The following KCNH5 variants were observed in gnomAD, a reference collection of about 807,000 sequenced individuals.
KCNH5 encodes the protein voltage-gated delayed rectifier potassium channel KCNH5.
Under a neutral mutation model 96.1 loss-of-function variants are expected in KCNH5, and 46 were observed. That is an observed-to-expected ratio of 0.48 (90% CI 0.38 to 0.61). The LOEUF (loss-of-function observed/expected upper bound fraction) is 0.61. Among genes scored for constraint, KCNH5 ranks in the 20% least tolerant of loss-of-function variants. The pLI, the probability that KCNH5 is intolerant of heterozygous loss-of-function variation, is 0.00. For synonymous variants in KCNH5, 439 were observed against 449.8 expected (o/e 0.98, Z 0.30); for missense variants, 907 against 1,225.8 (o/e 0.74, Z 3.88).
intron 10 of KCNH5, among the ~76,000 whole-genome samples, chr14:62,732,851 CTCTTGATACGG>C (rs1025010567): frequency 2.0e-5 from 3 of 152,098 alleles, no homozygotes; most frequent in Admixed American, 6.6e-5. Flanking sequence ...TCAGGCAACC[CTCTTGATACGG>C]TCTTGATACA....
chr14:62,889,535 T>C (rs10136789), intron 7 of KCNH5, among the ~76,000 whole-genome samples: 21,895 of 152,220 alleles, frequency 0.14, 1,931 homozygotes, highest in African/African-American at 0.25. Context: ...GAGCAGCCGA[T>C]GAGCACATTA....
intron 7 of KCNH5, among the ~76,000 whole-genome samples, chr14:62,895,505 T>G (rs1381230664): frequency 6.6e-6 from 1 of 152,084 alleles, no homozygotes; most frequent in Non-Finnish European, 1.5e-5. Context: ...TAATTTTGTA[T>G]TTTCTTTAGT....
intron 6 of KCNH5, among the ~76,000 whole-genome samples, chr14:62,970,073 T>TAAAAAAAAAAAAAAAAAAAAAAAA (rs1284748914): frequency 8.9e-6 from 1 of 112,150 alleles, no homozygotes. Flanking sequence ...AAAAAAAAAT[T>TAAAAAAAAAAAAAAAAAAAAAAAA]AAATCAATAA....
intron 7 of KCNH5, among the ~76,000 whole-genome samples, chr14:62,866,526 T>C (rs1228112214): frequency 1.3e-5 from 2 of 152,156 alleles, no homozygotes; most frequent in African/African-American, 4.8e-5. Context: ...GGGCACATCA[T>C]TGTGGCAGAA....
chr14:62,708,016 G>A lies in KCNH5; in HGVS notation c.2459C>T (p.Ala820Val). The change falls in exon 11 of 11, where the codon GCC (alanine) becomes GTC (valine). Residue 820 changes from alanine to valine, a missense_variant. Around this residue, in one of 6 missense-constraint regions of KCNH5, gnomAD observed 362 missense variants for 394.4 expected, o/e 0.92. Coordinates refer to ENST00000322893, the MANE Select transcript of KCNH5 (RefSeq NM_139318.5). ...CCAGTCTTCCTTTTTCTCCTCATGG[G>A]CTCCCATATTATTCTTGAGTCGCAG... ...GWLRLKNNMG[A>V]HEEKKEDWNN... The A allele has an allele frequency of 1.2e-6, 2 of 1,614,096 alleles. No homozygotes were observed. Among genetic ancestry groups the A allele is most frequent in the Non-Finnish European group, 1.7e-6 (2 of 1,180,030 alleles).
intron 8 of KCNH5, among the ~76,000 whole-genome samples, chr14:62,841,451 A>ACATG (rs1454135491): frequency 1.3e-5 from 2 of 152,166 alleles, no homozygotes; most frequent in Admixed American, 1.3e-4. Context: ...ATACTATAAC[A>ACATG]CTGTCTGCAG....
intron 5 of KCNH5, among the ~76,000 whole-genome samples, chr14:62,982,859 C>T (rs73278525): frequency 0.02 from 2,978 of 152,070 alleles, 109 homozygotes; most frequent in African/African-American, 0.069. Context: ...ATTATCAGTA[C>T]CTCAGTTATG....
At chr14:62,832,515 G>A (rs963053708) in intron 8 of KCNH5, among the ~76,000 whole-genome samples, 2 of 151,966 alleles carry the variant, frequency 1.3e-5, no homozygotes, top group African/African-American at 4.8e-5. Context: ...TCCATTCATG[G>A]GCATTTAAGT....
intron 4 of KCNH5, among the ~76,000 whole-genome samples, chr14:62,997,318 GA>G (rs113645537): frequency 0.089 from 13,521 of 151,932 alleles, 1,039 homozygotes; most frequent in African/African-American, 0.21. Context: ...ATGGGTATAA[GA>G]AAAAAATAGT....
At chr14:62,976,442 G>A (rs1241578834) in intron 6 of KCNH5, among the ~76,000 whole-genome samples, 2 of 151,048 alleles carry the variant, frequency 1.3e-5, no homozygotes, top group Non-Finnish European at 2.9e-5. Context: ...TGGTCTCATA[G>A]GTACAGTATC....
intron 8 of KCNH5, among the ~76,000 whole-genome samples, chr14:62,809,958 G>C (rs1886840508): frequency 6.6e-6 from 1 of 151,860 alleles, no homozygotes; most frequent in Non-Finnish European, 1.5e-5. Context: ...CTAATTCTGG[G>C]CATATTACAA....
chr14:62,970,106 CAAGAG>C (rs1177476970), intron 6 of KCNH5, among the ~76,000 whole-genome samples: 1 of 110,832 alleles, frequency 9.0e-6, no homozygotes, highest in Non-Finnish European at 1.9e-5. Flanking sequence ...GCTAACGAAA[CAAGAG>C]AGAGAGAAGA....
chr14:62,882,180 C>A (rs944492590), intron 7 of KCNH5, among the ~76,000 whole-genome samples: 3 of 146,736 alleles, frequency 2.0e-5, no homozygotes, highest in African/African-American at 7.6e-5. Flanking sequence ...GAAGCTGAGG[C>A]TTGGGCCCAC....
At chr14:63,032,182 C>T (rs1040960546) in intron 1 of KCNH5, among the ~76,000 whole-genome samples, 1 of 151,946 alleles carries the variant, frequency 6.6e-6, no homozygotes, top group African/African-American at 2.4e-5. Flanking sequence ...GCTGCGTTTT[C>T]CCTCTGACTG....
chr14:62,738,898 T>C (rs1358488643), intron 10 of KCNH5, among the ~76,000 whole-genome samples: 1 of 152,050 alleles, frequency 6.6e-6, no homozygotes, highest in Non-Finnish European at 1.5e-5. Flanking sequence ...AAGCAAAAGA[T>C]GAATTCTGAA....
chr14:62,769,115 A>G (rs1885929837), intron 10 of KCNH5, among the ~76,000 whole-genome samples: 1 of 152,244 alleles, frequency 6.6e-6, no homozygotes, highest in Non-Finnish European at 1.5e-5. Flanking sequence ...CTGCAGGCTC[A>G]GAACAATTAT....
At position 62,976,778 on chromosome 14, in the gene KCNH5, T is replaced by C. The variant is rs2139563413; in HGVS notation, c.942+4094A>G. On this transcript the variant is annotated intron_variant, in intron 6 of 10. Transcript: ENST00000322893. Reference sequence around the variant, plus strand: ...AATGGCATTGTATCTTTCAAAATTCTGAAGGAAAATTATCTCTAGCCAAGA... The same window carrying C: ...AATGGCATTGTATCTTTCAAAATTCCGAAGGAAAATTATCTCTAGCCAAGA... Among the ~76,000 whole-genome samples, 6 of 152,328 alleles carry C rather than the reference T, an allele frequency of 3.9e-5. No homozygotes were observed. The South Asian group carries it at 1.2e-3, about 32-fold the overall frequency.
intron 8 of KCNH5, among the ~76,000 whole-genome samples, chr14:62,808,139 T>C (rs767038062): frequency 1.3e-5 from 2 of 152,148 alleles, no homozygotes; most frequent in Non-Finnish European, 2.9e-5. Flanking sequence ...TAATTGAGAC[T>C]ACTGAAGATA....
chr14:62,805,086 A>C (rs1209254417), intron 8 of KCNH5, among the ~76,000 whole-genome samples: 8 of 152,190 alleles, frequency 5.3e-5, no homozygotes, highest in African/African-American at 1.9e-4. Flanking sequence ...AAAAAATTTA[A>C]ATACATACAC....
Sources: gnomAD v4.1 joint callset for allele counts (sites outside exome capture counted in the v4.1 genomes callset) on GRCh38, gnomAD v4.1.1 for gene constraint, gnomAD v4.1.1 regional missense constraint, MANE v1.5 for transcripts, NCBI Gene and HGNC (gene_info 2026-07-23, HGNC 2026-07-21) for gene names.